The following DAG1 variants were observed in gnomAD, a reference collection of about 807,000 sequenced individuals.
DAG1 encodes dystroglycan 1 (dystrophin-associated glycoprotein 1).
Under a neutral mutation model 46.1 loss-of-function variants are expected in DAG1, and 8 were observed. The observed-to-expected ratio is 0.17, with a 90% CI of 0.10 to 0.31. DAG1 has a LOEUF of 0.31. Among genes scored for constraint, DAG1 ranks in the 10% least tolerant of loss-of-function variants. DAG1 has a pLI of 1.00. For synonymous variants in DAG1, 495 were observed against 481.8 expected (o/e 1.03, Z -0.36); for missense variants, 1,003 against 1,189.9 (o/e 0.84, Z 2.31).
At chr3:49,486,788 A>T (rs2050043176) in intron 1 of DAG1, among the ~76,000 whole-genome samples, 1 of 151,956 alleles carries the variant, frequency 6.6e-6, no homozygotes, top group African/African-American at 2.4e-5. Context: ...CAGGCGTGAG[A>T]CACTGCGCTC....
rs779846682 is a variant in DAG1 at position 49,531,697 on chromosome 3, A to G, written c.1186A>G (p.Thr396Ala). Residue 396 changes from threonine (T) to alanine (A), a missense_variant, in exon 3 of 3, where the codon ACA (threonine) becomes GCA (alanine). Physicochemically the swap from Thr to Ala is moderately conservative, Grantham distance 58. This residue lies in a region of DAG1 where 755 missense variants were observed against 854.1 expected (regional missense o/e 0.88). Coordinates refer to ENST00000308775, the MANE Select transcript of DAG1 (RefSeq NM_004393.6). This position sits in a 1 kb window ranked among gnomAD's most constrained non-coding sequence, Gnocchi z 7.0. Reference protein sequence around the residue: ...QPTRVSEAGTTVPGQIRPTMT... With the variant: ...QPTRVSEAGTAVPGQIRPTMT... ...TACTCGGGTGTCAGAAGCTGGCACC[A>G]CAGTTCCTGGCCAGATTCGCCCAAC... is the stretch of plus-strand genomic sequence containing the variant. 1.3e-5 allele frequency: 21 copies of G among 1,613,840 alleles called. No homozygotes were observed. The highest frequency in any genetic ancestry group is 1.8e-5 in the Non-Finnish European group (21 of 1,179,920).
intron 2 of DAG1, among the ~76,000 whole-genome samples, chr3:49,515,993 A>G (rs1490340739): frequency 6.6e-6 from 1 of 151,954 alleles, no homozygotes; most frequent in Non-Finnish European, 1.5e-5. Context: ...TTTTCTTTGT[A>G]TACTTTGTCC....
chr3:49,491,642 A>G (rs578194323), intron 1 of DAG1, among the ~76,000 whole-genome samples: 2 of 151,836 alleles, frequency 1.3e-5, no homozygotes, highest in African/African-American at 4.8e-5. Context: ...ACGCCTGGCT[A>G]ATTTTTTGTA....
intron 1 of DAG1, among the ~76,000 whole-genome samples, chr3:49,472,213 G>A (rs2049540606): frequency 6.6e-6 from 1 of 152,080 alleles, no homozygotes; most frequent in Non-Finnish European, 1.5e-5. Context: ...ACCTCTGGCA[G>A]TTAAGTCAGC....
At chr3:49,514,626 A>G (rs1575391839) in intron 2 of DAG1, among the ~76,000 whole-genome samples, 1 of 151,712 alleles carries the variant, frequency 6.6e-6, no homozygotes, top group East Asian at 1.9e-4. Context: ...ATGCGCTACC[A>G]CACCTGGCTA....
intron 2 of DAG1, among the ~76,000 whole-genome samples, chr3:49,512,810 ATACAAAAATTAGT>A (rs1326552068): frequency 2.0e-5 from 3 of 151,852 alleles, no homozygotes; most frequent in Non-Finnish European, 4.4e-5. Context: ...TCTACAAAAA[ATACAAAAATTAGT>A]TACAAAAAAT....
chr3:49,482,748 G>A (rs1194680345), intron 1 of DAG1, among the ~76,000 whole-genome samples: 1 of 152,148 alleles, frequency 6.6e-6, no homozygotes, highest in Non-Finnish European at 1.5e-5. Flanking sequence ...CATGGATACC[G>A]AGGGAAGAGT....
intron 1 of DAG1, among the ~76,000 whole-genome samples, chr3:49,478,279 A>AG (rs2049745820): frequency 6.7e-6 from 1 of 149,992 alleles, no homozygotes; most frequent in Non-Finnish European, 1.5e-5. Context: ...GTCTCAAAAA[A>AG]AAAAAAAAAA....
intron 1 of DAG1, among the ~76,000 whole-genome samples, chr3:49,478,808 T>TTTTTTTTC: frequency 2.5e-5 from 1 of 40,524 alleles, no homozygotes; most frequent in African/African-American, 7.8e-5. Context: ...CTCCCTTTTT[T>TTTTTTTTC]TTTTTTTTTT....
intron 2 of DAG1, among the ~76,000 whole-genome samples, chr3:49,527,085 A>C (rs151289082): frequency 2.6e-5 from 4 of 152,202 alleles, no homozygotes; most frequent in African/African-American, 9.6e-5. Context: ...GCCCTTCTCT[A>C]TTTTCTGTTA....
intron 1 of DAG1, among the ~76,000 whole-genome samples, chr3:49,477,531 G>A (rs758848564): frequency 6.6e-5 from 10 of 151,984 alleles, no homozygotes; most frequent in Non-Finnish European, 1.3e-4. Context: ...GGGCTCAAAC[G>A]ATCCTCCCGC....
At chr3:49,530,736 G>A (rs2051315233) in intron 2 of DAG1, 61 bp from the exon 3 acceptor site, 1 of 1,611,612 alleles carries the variant, frequency 6.2e-7, no homozygotes, top group South Asian at 1.1e-5. Flanking sequence ...TAACTGTTGT[G>A]ATCATATTCA....
At chr3:49,507,858 A>G (rs1260648282) in intron 1 of DAG1, among the ~76,000 whole-genome samples, 2 of 151,990 alleles carry the variant, frequency 1.3e-5, no homozygotes, top group Non-Finnish European at 2.9e-5. Flanking sequence ...AATTTTCTTA[A>G]TAGAAATTAT....
At chr3:49,471,808 AAGAGT>A in intron 1 of DAG1, among the ~76,000 whole-genome samples, 1 of 152,182 alleles carries the variant, frequency 6.6e-6, no homozygotes, top group Non-Finnish European at 1.5e-5. Flanking sequence ...ACCCATGTAA[AAGAGT>A]CTGCTTCTGC....
At chr3:49,473,224 G>C (rs1022742435) in intron 1 of DAG1, among the ~76,000 whole-genome samples, 14 of 151,828 alleles carry the variant, frequency 9.2e-5, no homozygotes, top group Non-Finnish European at 1.8e-4. Context: ...GACCATCCTG[G>C]CTAACACGGT....
intron 1 of DAG1, among the ~76,000 whole-genome samples, chr3:49,508,687 A>C (rs1297442431): frequency 6.6e-6 from 1 of 152,040 alleles, no homozygotes; most frequent in African/African-American, 2.4e-5. Flanking sequence ...GGCGTGAGCC[A>C]CCATGCCTGG....
chr3:49,501,632 C>T (rs1388482883), intron 1 of DAG1, among the ~76,000 whole-genome samples: 5 of 151,822 alleles, frequency 3.3e-5, no homozygotes, highest in Admixed American at 6.6e-5. Context: ...GCCAACATGG[C>T]GAAACTCTGT....
intron 1 of DAG1, among the ~76,000 whole-genome samples, chr3:49,481,795 T>C (rs1270019858): frequency 6.6e-6 from 1 of 152,202 alleles, no homozygotes; most frequent in African/African-American, 2.4e-5. Context: ...CTATAGATGT[T>C]GTTTTTGTAT....
intron 2 of DAG1, among the ~76,000 whole-genome samples, chr3:49,514,699 C>T (rs1170914784): frequency 4.6e-5 from 7 of 151,810 alleles, no homozygotes; most frequent in Non-Finnish European, 8.8e-5. Flanking sequence ...AGTACAATGG[C>T]GTGATCTTGG....
Sources: gnomAD v4.1 joint callset for allele counts (sites outside exome capture counted in the v4.1 genomes callset) on GRCh38, gnomAD v4.1.1 for gene constraint, gnomAD v4.1.1 regional missense constraint, Gnocchi (gnomAD v3.1) non-coding constraint, MANE v1.5 for transcripts, NCBI Gene and HGNC (gene_info 2026-07-23, HGNC 2026-07-21) for gene names.